SNX16: variants seen among roughly 807,000 people sequenced by gnomAD.
SNX16 encodes the protein sorting nexin 16.
In SNX16, 35 loss-of-function variants were observed where a neutral mutation model predicts 36.7. That is an observed-to-expected ratio of 0.95 (90% CI 0.73 to 1.27). The LOEUF is 1.27. Among genes scored for constraint, SNX16 ranks in the 50% most tolerant of loss-of-function variants. The pLI, the probability that SNX16 is intolerant of heterozygous loss-of-function variation, is 0.00. For synonymous variants in SNX16, 134 were observed against 132.0 expected, an observed-to-expected ratio of 1.02 and a Z score of -0.10; for missense variants, 367 against 393.6, an observed-to-expected ratio of 0.93 and a Z score of 0.57.
At chr8:81,820,952 T>G (rs1042202685) in intron 4 of SNX16, among the ~76,000 whole-genome samples, 4 of 151,396 alleles carry the variant, frequency 2.6e-5, no homozygotes, top group Admixed American at 1.3e-4. Flanking sequence ...TTAAGAAGTC[T>G]CTTACATTGT....
chr8:81,837,984 C>T (rs1423001645), intron 2 of SNX16, among the ~76,000 whole-genome samples: 1 of 152,096 alleles, frequency 6.6e-6, no homozygotes, highest in African/African-American at 2.4e-5. Context: ...TTGAAGTAAA[C>T]ATTAAACTTT....
At chr8:81,813,434 T>A (rs555170666) in intron 5 of SNX16, among the ~76,000 whole-genome samples, 24 of 151,712 alleles carry the variant, frequency 1.6e-4, no homozygotes, top group Admixed American at 1.5e-3. Flanking sequence ...TTAAAAAAAA[T>A]TAACCCAAAA....
At chr8:81,816,629 T>C (rs550128658) in intron 4 of SNX16, among the ~76,000 whole-genome samples, 1 of 152,306 alleles carries the variant, frequency 6.6e-6, no homozygotes, top group South Asian at 2.1e-4. Context: ...GAATTTTACA[T>C]ATCTTATTGT....
At chr8:81,809,021 G>A (rs1194569628) in intron 5 of SNX16, among the ~76,000 whole-genome samples, 2 of 151,202 alleles carry the variant, frequency 1.3e-5, no homozygotes, top group African/African-American at 4.9e-5. Context: ...GCTGTTGATT[G>A]CTAAATGTAA....
At chr8:81,807,293 CAGATCACCTG>C (rs1165625556) in intron 5 of SNX16, among the ~76,000 whole-genome samples, 2 of 151,628 alleles carry the variant, frequency 1.3e-5, no homozygotes, top group African/African-American at 4.8e-5. Context: ...CTGAGGTGGG[CAGATCACCTG>C]AGGTCAGGAG....
chr8:81,818,163 T>G (rs1810575683), intron 4 of SNX16, among the ~76,000 whole-genome samples: 1 of 152,094 alleles, frequency 6.6e-6, no homozygotes, highest in African/African-American at 2.4e-5. Flanking sequence ...TATCTGTAAT[T>G]TAATTTCTAC....
At chr8:81,830,824 A>G (rs1407629699) in intron 2 of SNX16, among the ~76,000 whole-genome samples, 1 of 152,200 alleles carries the variant, frequency 6.6e-6, no homozygotes, top group Non-Finnish European at 1.5e-5. Context: ...CCTAAGTGAA[A>G]TGAACAAAGC....
chr8:81,821,420 G>A (rs1810734467), intron 4 of SNX16, among the ~76,000 whole-genome samples: 1 of 151,216 alleles, frequency 6.6e-6, no homozygotes, highest in Non-Finnish European at 1.5e-5. Flanking sequence ...GAGACATAAA[G>A]GTTTACCGAA....
At chr8:81,839,237 C>T (rs1310922924) in intron 2 of SNX16, among the ~76,000 whole-genome samples, 1 of 151,934 alleles carries the variant, frequency 6.6e-6, no homozygotes, top group Admixed American at 6.6e-5. Flanking sequence ...AGAAAAGAGA[C>T]CAGATGCAAA....
chr8:81,823,662 AAAG>A lies in SNX16; in HGVS notation c.611+127_611+129del, dbSNP rs1214078931. 7 of 709,530 alleles carry A rather than the reference AAAG, an allele frequency of 9.9e-6. 1 individual carries two copies. Among genetic ancestry groups the A allele is most frequent in the South Asian group, 5.3e-5 (2 of 37,808 alleles). The allele number at this position is 709,530 out of a possible 1,614,324, so 44.0% of individuals were successfully genotyped here. ...AGAAAATCTCTTGTAGTACTTTGTTAAAGAAGACAAGTAATTATACTCCAACCC... is the reference window on the plus strand; with the variant it reads ...AGAAAATCTCTTGTAGTACTTTGTTAAAGACAAGTAATTATACTCCAACCC... On this transcript the variant is annotated intron_variant, in intron 4 of 7. Transcript: ENST00000345957.
At chr8:81,832,496 C>T (rs895651877) in intron 2 of SNX16, among the ~76,000 whole-genome samples, 3 of 151,876 alleles carry the variant, frequency 2.0e-5, no homozygotes, top group Non-Finnish European at 2.9e-5. Flanking sequence ...ATTAGTATCC[C>T]GCAATATACC....
chr8:81,815,393 G>A lies in SNX16; in HGVS notation c.613C>T (p.Leu205Phe). ...AAACAAAGAAATTCTCTCACTGCAA[G>A]GCTTTTCAAAGGAAAAAAAAAATGA... ...LVAHKDIANC[L>F]AVREFLCLDD... is the part of the protein sequence containing the mutation. The change falls in exon 5 of 8, where the codon CTT (leucine) becomes TTT (phenylalanine). Residue 205 changes from leucine to phenylalanine, a missense_variant and splice_region_variant. Leu to Phe is a conservative substitution (Grantham distance 22). Transcript: ENST00000345957. The A allele has an allele frequency of 6.2e-7, 1 of 1,609,744 alleles. No homozygotes were observed. Among genetic ancestry groups the A allele is most frequent in the Non-Finnish European group, 8.5e-7 (1 of 1,178,250 alleles).
chr8:81,823,314 T>C (rs2130706985), intron 4 of SNX16, among the ~76,000 whole-genome samples: 1 of 152,160 alleles, frequency 6.6e-6, no homozygotes, highest in East Asian at 1.9e-4. Flanking sequence ...CACATAGATC[T>C]GTTCTTTTCC....
chr8:81,803,513 G>C (rs1809800519), intron 5 of SNX16, among the ~76,000 whole-genome samples: 1 of 151,912 alleles, frequency 6.6e-6, no homozygotes. Context: ...TATCCCTCTA[G>C]TGTAGAACTG....
chr8:81,832,874 GA>G (rs1811329565), intron 2 of SNX16, among the ~76,000 whole-genome samples: 1 of 149,828 alleles, frequency 6.7e-6, no homozygotes, highest in Admixed American at 6.7e-5. Context: ...TGCTGAATAA[GA>G]AACTCTCTTT....
At chr8:81,829,286 T>C (rs1218152272) in intron 3 of SNX16, 144 bp downstream of exon 3, 1 of 308,108 alleles carries the variant, frequency 3.2e-6, no homozygotes, top group Non-Finnish European at 5.7e-6. Flanking sequence ...AAAATTTTTA[T>C]TTTAAAAATT....
intron 1 of SNX16, 187 bp from the exon 2 acceptor site, chr8:81,840,269 CTCTTTT>C (rs1336269769): frequency 3.7e-6 from 1 of 273,866 alleles, no homozygotes; most frequent in Admixed American, 4.7e-5. Context: ...CTACTTCACA[CTCTTTT>C]TCCTTGACTC....
At chr8:81,823,409 G>A (rs1374750942) in intron 4 of SNX16, among the ~76,000 whole-genome samples, 7 of 151,448 alleles carry the variant, frequency 4.6e-5, no homozygotes, top group Admixed American at 4.0e-4. Flanking sequence ...GCATTACTTT[G>A]GAGAAATATA....
chr8:81,831,728 CAACA>C (rs1402112782), intron 2 of SNX16, among the ~76,000 whole-genome samples: 1 of 145,476 alleles, frequency 6.9e-6, no homozygotes, highest in African/African-American at 2.5e-5. Context: ...TTAAACAATT[CAACA>C]AATAACCTCA....
Sources: allele counts gnomAD v4.1 joint callset (sites outside exome capture counted in the v4.1 genomes callset), GRCh38; gene constraint gnomAD v4.1.1; transcripts MANE v1.5; gene names NCBI Gene and HGNC (gene_info 2026-07-23, HGNC 2026-07-21).